AXIN1: variants seen among roughly 807,000 people sequenced by gnomAD.
AXIN1 encodes axin 1.
AXIN1 carries 30 observed loss-of-function variants against 76.4 expected under a neutral mutation model. The observed-to-expected ratio is 0.39, with a 90% CI of 0.29 to 0.53. The LOEUF (loss-of-function observed/expected upper bound fraction) is 0.53. Among genes scored for constraint, AXIN1 ranks in the 20% least tolerant of loss-of-function variants. The pLI, the probability that AXIN1 is intolerant of heterozygous loss-of-function variation, is 0.66. For synonymous variants in AXIN1, 545 were observed against 501.4 expected (o/e 1.09, Z -1.16); for missense variants, 1,140 against 1,198.8 (o/e 0.95, Z 0.72).
chr16:342,489 G>C (rs539664852), intron 2 of AXIN1, among the ~76,000 whole-genome samples: 13 of 152,274 alleles, frequency 8.5e-5, no homozygotes, highest in Admixed American at 6.5e-4. Flanking sequence ...CCAGCCGCCT[G>C]TTCAGTACCC....
In AXIN1 at chr16:287,709, A is replaced by T. The variant is rs2052420305; in HGVS notation, c.*413T>A. 2.8e-6 allele frequency: 1 copy of T among 358,868 alleles called. No individual in the cohort carries two copies. The highest frequency in any genetic ancestry group is 2.0e-5 in the African/African-American group (1 of 49,182). The allele number at this position is 358,868 out of a possible 1,614,324, so 22.2% of individuals were successfully genotyped here. A position where few individuals can be genotyped will look rare whatever the true frequency, so the allele number is the denominator to read the frequency against. On this transcript the variant is annotated 3_prime_UTR_variant, in exon 11 of 11. Transcript: ENST00000262320. ...AGGCACTCGGTGGCGCGTACAATTG[A>T]CAGAGGCCCTGCAGGCCTCTGCATC...
intron 5 of AXIN1, among the ~76,000 whole-genome samples, chr16:298,481 TG>T (rs1182374547): frequency 6.6e-6 from 1 of 152,224 alleles, no homozygotes; most frequent in Admixed American, 6.5e-5. Context: ...GTATCGGCTG[TG>T]GGCAGAGCTC....
chr16:290,801 T>C (rs890699199), intron 9 of AXIN1: 25 of 372,696 alleles, frequency 6.7e-5, no homozygotes, highest in Non-Finnish European at 1.1e-4. Context: ...CCCGGGCACC[T>C]CAGCACCTGC....
intron 3 of AXIN1, among the ~76,000 whole-genome samples, chr16:310,456 G>T (rs1159240450): frequency 6.6e-6 from 1 of 152,088 alleles, no homozygotes; most frequent in East Asian, 1.9e-4. Context: ...GAGTGCAGTG[G>T]CACAATCTCG....
chr16:305,195 T>A (rs2052986193), intron 4 of AXIN1, among the ~76,000 whole-genome samples: 1 of 152,228 alleles, frequency 6.6e-6, no homozygotes. Context: ...AAAGGCCAGG[T>A]GGTGGCTCAC....
intron 2 of AXIN1, among the ~76,000 whole-genome samples, chr16:331,428 C>CT (rs1199085696): frequency 6.6e-6 from 1 of 152,174 alleles, no homozygotes; most frequent in Non-Finnish European, 1.5e-5. Flanking sequence ...TTCCTTGACT[C>CT]TGAGTGTGCA....
rs1294561903 is a variant in AXIN1, at chr16:347,015, T to C, written c.11A>G (p.Gln4Arg). The change falls in exon 2 of 11, where the codon CAA (glutamine) becomes CGA (arginine). Residue 4 changes from glutamine (Q) to arginine (R), a missense_variant. Gln to Arg is a conservative substitution (Grantham distance 43, BLOSUM62 1). Coordinates refer to ENST00000262320, the MANE Select transcript of AXIN1 (RefSeq NM_003502.4). MNI[Q>R]EQGFPLDLGA... ...GAGGTCCAAGGGGAAACCCTGCTCT[T>C]GGATATTCATTTTGGGACTCTGCGT... 6 of 1,614,054 alleles carry C rather than the reference T, an allele frequency of 3.7e-6. No homozygotes were observed.
At position 352,446 on chromosome 16, in the gene AXIN1, C is replaced by T; in HGVS notation, c.-159G>A. 2 of 974,472 alleles carry T rather than the reference C, an allele frequency of 2.1e-6. No individual in the cohort carries two copies. Among genetic ancestry groups the T allele is most frequent in the Non-Finnish European group, 2.4e-6 (2 of 823,080 alleles). The allele number at this position is 974,472 out of a possible 1,614,324, so 60.4% of individuals were successfully genotyped here. Reference sequence around the variant, plus strand: ...CGGTCCGGGCCCATGCGCTCAGCGGCAGCGCGGCGGGCGGGACCCGGCGGG... The same window carrying T: ...CGGTCCGGGCCCATGCGCTCAGCGGTAGCGCGGCGGGCGGGACCCGGCGGG... On this transcript the variant is annotated 5_prime_UTR_variant, in exon 1 of 11. Coordinates refer to ENST00000262320, the MANE Select transcript of AXIN1 (RefSeq NM_003502.4).
intron 5 of AXIN1, among the ~76,000 whole-genome samples, chr16:303,442 C>T (rs1053636769): frequency 2.0e-5 from 3 of 151,350 alleles, no homozygotes; most frequent in Non-Finnish European, 2.9e-5. Flanking sequence ...AGGGCAGTGG[C>T]GCAATCTTGG....
intron 2 of AXIN1, among the ~76,000 whole-genome samples, chr16:332,379 C>T (rs1221088940): frequency 6.6e-6 from 1 of 151,530 alleles, no homozygotes; most frequent in Non-Finnish European, 1.5e-5. Flanking sequence ...AGATGGAGAC[C>T]ATCCTGGCTA....
intron 2 of AXIN1, among the ~76,000 whole-genome samples, chr16:338,326 C>G (rs1234390508): frequency 1.3e-5 from 2 of 152,240 alleles, no homozygotes; most frequent in Non-Finnish European, 2.9e-5. Flanking sequence ...GACACTTACC[C>G]CAAGCCCTCC....
chr16:345,521 C>T (rs1398785896), intron 2 of AXIN1, among the ~76,000 whole-genome samples: 1 of 152,198 alleles, frequency 6.6e-6, no homozygotes, highest in African/African-American at 2.4e-5. Flanking sequence ...TCGAGACCAG[C>T]CTGGCCAACA....
At chr16:330,998 C>G (rs1258442472) in intron 2 of AXIN1, among the ~76,000 whole-genome samples, 1 of 152,194 alleles carries the variant, frequency 6.6e-6, no homozygotes, top group Non-Finnish European at 1.5e-5. Flanking sequence ...TTGCAGACTG[C>G]AGGGTGGCAA....
At chr16:344,690 C>T (rs1347750764) in intron 2 of AXIN1, among the ~76,000 whole-genome samples, 5 of 151,982 alleles carry the variant, frequency 3.3e-5, no homozygotes, top group Non-Finnish European at 7.4e-5. Context: ...GGATTCACCA[C>T]GTTGGCCAGG....
At chr16:289,874 G>C (rs565970672) in intron 9 of AXIN1, 4 of 561,690 alleles carry the variant, frequency 7.1e-6, no homozygotes, top group Non-Finnish European at 1.3e-5. Context: ...GGGCCTGGCT[G>C]CCAGGTGCAC....
At chr16:290,389 C>T (rs995410874) in intron 9 of AXIN1, 3 of 155,702 alleles carry the variant, frequency 1.9e-5, no homozygotes, top group Non-Finnish European at 4.3e-5. Flanking sequence ...CCCCCAGCCA[C>T]GTGCGCTCTT....
Position 346,989 on chromosome 16 carries a change from C to T in AXIN1, c.37G>A (p.Gly13Arg), listed in dbSNP as rs894828532. ...GGAGCATCTTCGGTGAAACTTGCTC[C>T]GAGGTCCAAGGGGAAACCCTGCTCT... Reference protein sequence around the residue: ...IQEQGFPLDLGASFTEDAPRP... With the variant: ...IQEQGFPLDLRASFTEDAPRP... Residue 13 changes from glycine to arginine, a missense_variant, in exon 2 of 11, where the codon GGA (glycine) becomes AGA (arginine). Around this residue, in one of 3 missense-constraint regions of AXIN1, gnomAD observed 708 missense variants for 776.9 expected, o/e 0.91. Coordinates refer to ENST00000262320, the MANE Select transcript of AXIN1 (RefSeq NM_003502.4). 27 of 1,614,100 alleles carry T rather than the reference C, an allele frequency of 1.7e-5. No homozygotes were observed. The highest frequency in any genetic ancestry group is 1.6e-4 in the Middle Eastern group (1 of 6,084).
chr16:294,110 G>A (rs985672646), intron 7 of AXIN1, among the ~76,000 whole-genome samples: 4 of 152,076 alleles, frequency 2.6e-5, no homozygotes, highest in East Asian at 3.9e-4. Flanking sequence ...ACAGTGAGCC[G>A]GGATCACGCC....
chr16:297,506 G>A (rs979366891), intron 6 of AXIN1, among the ~76,000 whole-genome samples: 2 of 152,208 alleles, frequency 1.3e-5, no homozygotes, highest in Non-Finnish European at 2.9e-5. Context: ...CAGAGCGGGA[G>A]CCAGGGTCGG....
Sources: gnomAD v4.1 joint callset for allele counts (sites outside exome capture counted in the v4.1 genomes callset) on GRCh38, gnomAD v4.1.1 for gene constraint, gnomAD v4.1.1 regional missense constraint, MANE v1.5 for transcripts, NCBI Gene and HGNC (gene_info 2026-07-23, HGNC 2026-07-21) for gene names.